Variants in RBMS3 observed in about 807,000 individuals in gnomAD.
RBMS3 encodes RNA-binding motif, single-stranded-interacting protein 3.
RBMS3 carries 27 observed loss-of-function variants against 66.8 expected under a neutral mutation model. The observed-to-expected ratio is 0.40, with a 90% CI of 0.30 to 0.56. RBMS3 has a LOEUF of 0.56. RBMS3 is among the 20% of genes least tolerant of loss of function. The pLI, the probability that RBMS3 is intolerant of heterozygous loss-of-function variation, is 0.40. For synonymous variants in RBMS3, 188 were observed against 183.0 expected, an observed-to-expected ratio of 1.03 and a Z score of -0.22; for missense variants, 513 against 549.5, an observed-to-expected ratio of 0.93 and a Z score of 0.66.
At chr3:29,426,662 T>C (rs2040971564) in intron 1 of RBMS3, among the ~76,000 whole-genome samples, 1 of 152,194 alleles carries the variant, frequency 6.6e-6, no homozygotes, top group Admixed American at 6.5e-5. Context: ...TTAATGAAAA[T>C]GGCAAACCAC....
At chr3:29,626,793 C>T (rs2049078764) in intron 4 of RBMS3, among the ~76,000 whole-genome samples, 1 of 152,090 alleles carries the variant, frequency 6.6e-6, no homozygotes, top group South Asian at 2.1e-4. Flanking sequence ...GGCCCTGAAA[C>T]AAGAAGTCCT....
chr3:29,984,448 T>C (rs1698224741), intron 12 of RBMS3, among the ~76,000 whole-genome samples: 1 of 151,956 alleles, frequency 6.6e-6, no homozygotes, highest in Admixed American at 6.6e-5. Flanking sequence ...CCAGTTTTGT[T>C]CTCTCACTGG....
chr3:29,652,445 TTA>T (rs2050179933), intron 4 of RBMS3, among the ~76,000 whole-genome samples: 1 of 152,102 alleles, frequency 6.6e-6, no homozygotes, highest in Non-Finnish European at 1.5e-5. Context: ...CCAATATTAT[TTA>T]TAATTTCCAT....
chr3:29,558,431 T>A (rs1335154844), intron 3 of RBMS3, among the ~76,000 whole-genome samples: 1 of 152,212 alleles, frequency 6.6e-6, no homozygotes, highest in Non-Finnish European at 1.5e-5. Flanking sequence ...TATCCTGATA[T>A]TTTTAAATTA....
chr3:29,885,196 T>A (rs2059841299), intron 8 of RBMS3, among the ~76,000 whole-genome samples: 1 of 151,886 alleles, frequency 6.6e-6, no homozygotes, highest in African/African-American at 2.4e-5. Flanking sequence ...TATGAGACCC[T>A]TTCCTTCAAG....
intron 4 of RBMS3, among the ~76,000 whole-genome samples, chr3:29,629,045 T>TA (rs1317885611): frequency 6.6e-6 from 1 of 152,118 alleles, no homozygotes; most frequent in Non-Finnish European, 1.5e-5. Context: ...TTGAAGTGCA[T>TA]ATGCAGGCCA....
At chr3:29,767,080 C>A (rs980391250) in intron 6 of RBMS3, 6 of 151,878 alleles carry the variant, frequency 4.0e-5, no homozygotes, top group Admixed American at 3.3e-4. Flanking sequence ...TGTATAGCCC[C>A]AAAGTGTTCC....
At chr3:29,647,840 T>A (rs552175570) in intron 4 of RBMS3, among the ~76,000 whole-genome samples, 2 of 152,330 alleles carry the variant, frequency 1.3e-5, no homozygotes, top group African/African-American at 4.8e-5. Flanking sequence ...AGAGTATTTT[T>A]AAAAATCCTC....
At chr3:29,827,318 A>C (rs1243082891) in intron 6 of RBMS3, among the ~76,000 whole-genome samples, 1 of 152,218 alleles carries the variant, frequency 6.6e-6, no homozygotes, top group African/African-American at 2.4e-5. Context: ...AAATAGGTTA[A>C]TGAAATTTTT....
At chr3:29,346,021 G>C (rs189074816) in intron 1 of RBMS3, among the ~76,000 whole-genome samples, 2 of 152,186 alleles carry the variant, frequency 1.3e-5, no homozygotes, top group African/African-American at 4.8e-5. Flanking sequence ...TGGTTTTCCT[G>C]TGAGTCTTTA....
At chr3:29,356,960 T>C (rs888154980) in intron 1 of RBMS3, among the ~76,000 whole-genome samples, 1 of 152,164 alleles carries the variant, frequency 6.6e-6, no homozygotes, top group Non-Finnish European at 1.5e-5. Context: ...TTACAACATA[T>C]TATCCATGCA....
chr3:29,918,496 G>A (rs902281993), intron 10 of RBMS3, among the ~76,000 whole-genome samples: 2 of 152,002 alleles, frequency 1.3e-5, no homozygotes, highest in East Asian at 3.9e-4. Context: ...GCATCCAAAT[G>A]TACCGTAATT....
chr3:29,831,590 G>A (rs888285226), intron 6 of RBMS3, among the ~76,000 whole-genome samples: 3 of 151,998 alleles, frequency 2.0e-5, no homozygotes, highest in Non-Finnish European at 4.4e-5. Context: ...TATAGTTACT[G>A]TAATTAATTA....
At chr3:29,495,374 C>T (rs1391633699) in intron 3 of RBMS3, among the ~76,000 whole-genome samples, 2 of 148,630 alleles carry the variant, frequency 1.3e-5, no homozygotes, top group African/African-American at 5.0e-5. Flanking sequence ...TGTTTATGCA[C>T]TGATGGAATA....
chr3:29,697,381 C>G (rs2052327128), intron 4 of RBMS3, among the ~76,000 whole-genome samples: 1 of 152,208 alleles, frequency 6.6e-6, no homozygotes, highest in South Asian at 2.1e-4. Context: ...ACATGCTTGT[C>G]CATCTCTCTG....
chr3:29,281,700 C>A lies in RBMS3; in HGVS notation c.19C>A (p.Gln7Lys). ...CAGCTACATGGGCAAACGCCTGGAT[C>A]AGCCACAAATGTACCCCCAGTACAC... Reference protein sequence around the residue: MGKRLDQPQMYPQYTYY... With the variant: MGKRLDKPQMYPQYTYY... Residue 7 changes from glutamine to lysine, a missense_variant, in exon 1 of 15, where the codon CAG (glutamine) becomes AAG (lysine). Gln to Lys is a moderately conservative substitution (Grantham distance 53). Coordinates refer to ENST00000383767, the MANE Select transcript of RBMS3 (RefSeq NM_001003793.3). 1.2e-6 allele frequency: 2 copies of A among 1,613,546 alleles called. No homozygotes were observed. Among genetic ancestry groups the A allele is most frequent in the Non-Finnish European group, 8.5e-7 (1 of 1,179,670 alleles).
At chr3:29,532,237 C>CATATATATATAT (rs71688232) in intron 3 of RBMS3, among the ~76,000 whole-genome samples, 27 of 92,124 alleles carry the variant, frequency 2.9e-4, no homozygotes, top group Non-Finnish European at 3.9e-4. Context: ...TTTAATTTCG[C>CATATATATATAT]ATATATATGT....
intron 2 of RBMS3, among the ~76,000 whole-genome samples, chr3:29,453,309 C>G (rs1002995061): frequency 6.6e-6 from 1 of 152,306 alleles, no homozygotes; most frequent in Admixed American, 6.5e-5. Flanking sequence ...GTAGATACCA[C>G]TGGATTGGAT....
At chr3:29,806,677 G>A (rs549026577) in intron 6 of RBMS3, among the ~76,000 whole-genome samples, 2 of 151,796 alleles carry the variant, frequency 1.3e-5, no homozygotes, top group African/African-American at 2.4e-5. Flanking sequence ...CATAGAATCC[G>A]GCCTATTATA....
Sources: allele counts gnomAD v4.1 joint callset (sites outside exome capture counted in the v4.1 genomes callset), GRCh38; gene constraint gnomAD v4.1.1; transcripts MANE v1.5; gene names NCBI Gene and HGNC (gene_info 2026-07-23, HGNC 2026-07-21).